Variants in APOOL observed in about 807,000 individuals in gnomAD.
APOOL encodes apolipoprotein O like.
Under a neutral mutation model 23.1 loss-of-function variants are expected in APOOL, and 12 were observed. That is an observed-to-expected ratio of 0.52 (90% CI 0.33 to 0.84). APOOL has a LOEUF of 0.84. APOOL is among the 40% of genes least tolerant of loss of function. APOOL has a pLI of 0.02. For missense variants in APOOL, 212 were observed against 199.6 expected, an observed-to-expected ratio of 1.06 and a Z score of -0.37; for synonymous variants, 77 against 69.9, an observed-to-expected ratio of 1.10 and a Z score of -0.51.
chrX:85,038,809 T>C (rs1394249825), intron 1 of APOOL, among the ~76,000 whole-genome samples: 1 of 110,130 alleles, frequency 9.1e-6, no homozygotes, highest in African/African-American at 3.3e-5. Context: ...TTTTCACTAT[T>C]AGTCTAGCTA....
At chrX:85,037,326 ACTGTT>A (rs1455409687) in intron 1 of APOOL, among the ~76,000 whole-genome samples, 4 of 111,105 alleles carry the variant, frequency 3.6e-5, no homozygotes, top group African/African-American at 9.8e-5. Context: ...TTTCCCCCAT[ACTGTT>A]CTCTTTGTAG....
In APOOL at chrX:85,074,252, GA is replaced by G. The variant is rs954625964; in HGVS notation, c.601-17del. The G allele has an allele frequency of 2.5e-6, 3 of 1,206,405 alleles. No homozygotes were observed. The African/African-American group carries it at 5.3e-5, about 21-fold the overall frequency. On this transcript the variant is annotated intron_variant, in intron 7 of 8. Coordinates refer to ENST00000373173, the MANE Select transcript of APOOL (RefSeq NM_198450.6). Reference sequence around the variant, plus strand: ...ATAGTAAAATGATTTACTTATGAAGGAAAAATCTGTTTGGTAAACAGCTAGG... The same window carrying G: ...ATAGTAAAATGATTTACTTATGAAGGAAAATCTGTTTGGTAAACAGCTAGG...
chrX:85,046,606 C>G lies in APOOL; in HGVS notation c.120+56C>G, dbSNP rs1020016318. On this transcript the variant is annotated intron_variant, in intron 2 of 8. Coordinates refer to ENST00000373173, the MANE Select transcript of APOOL (RefSeq NM_198450.6). ...GTATAATATCAAGATGACACAAAAG[C>G]TATATTTTTTAAAATTATCTTTGCC... is the stretch of plus-strand genomic sequence containing the variant. The G allele has an allele frequency of 4.1e-6, 4 of 965,315 alleles. No homozygotes were observed. The African/African-American group carries it at 7.9e-5, about 19-fold the overall frequency. The allele number at this position is 965,315 out of a possible 1,213,427, so 79.6% of individuals were successfully genotyped here.
At chrX:85,067,342 T>TA in intron 6 of APOOL, 124 bp downstream of exon 6, 1 of 428,568 alleles carries the variant, frequency 2.3e-6, no homozygotes, top group Non-Finnish European at 4.0e-6. Flanking sequence ...TATCAACTCT[T>TA]ATGTTGGCCA....
chrX:85,055,650 T>A (rs1172790001), intron 4 of APOOL, among the ~76,000 whole-genome samples, 177 bp from the exon 5 acceptor site: 6 of 111,855 alleles, frequency 5.4e-5, no homozygotes, highest in African/African-American at 1.9e-4. Context: ...TTGTAACAAG[T>A]AAATATATCT....
Position 85,043,771 on chromosome X carries a change from A to C in APOOL, c.16-2675A>C, listed in dbSNP as rs181460324. ...AATATGTTGGATAGATTTTATTGTTATCACTGTTCTCACTAGAGCCTGATT... is the reference window on the plus strand; with the variant it reads ...AATATGTTGGATAGATTTTATTGTTCTCACTGTTCTCACTAGAGCCTGATT... On this transcript the variant is annotated intron_variant, in intron 1 of 8. Transcript: ENST00000373173. Among the ~76,000 whole-genome samples the C allele has an allele frequency of 8.1e-5, 9 of 111,741 alleles. No individual in the cohort carries two copies. In the East Asian group the frequency reaches 2.5e-3, roughly 32 times the overall value.
intron 1 of APOOL, among the ~76,000 whole-genome samples, chrX:85,016,046 G>T (rs957983557): frequency 1.0e-4 from 11 of 110,314 alleles, no homozygotes; most frequent in African/African-American, 3.6e-4. Context: ...AGTTGGAATG[G>T]CAGGGATCTT....
chrX:85,032,823 G>C (rs1421586657), intron 1 of APOOL, among the ~76,000 whole-genome samples: 1 of 111,908 alleles, frequency 8.9e-6, no homozygotes, highest in Non-Finnish European at 1.9e-5. Flanking sequence ...GGAAACTTAA[G>C]ATTGGTCTTT....
chrX:85,046,260 A>G (rs976812838), intron 1 of APOOL, 186 bp from the exon 2 acceptor site: 17 of 373,382 alleles, frequency 4.6e-5, no homozygotes, highest in Non-Finnish European at 6.5e-5. Context: ...GTGCTCTGCC[A>G]TCCAGTATGA....
chrX:85,011,060 G>A (rs919671594), intron 1 of APOOL, among the ~76,000 whole-genome samples: 2 of 111,303 alleles, frequency 1.8e-5, no homozygotes, highest in Non-Finnish European at 3.8e-5. Flanking sequence ...AGATGGTATC[G>A]TATTGTGGTT....
intron 6 of APOOL, among the ~76,000 whole-genome samples, chrX:85,069,179 T>C (rs965074605): frequency 2.7e-5 from 3 of 110,720 alleles, no homozygotes; most frequent in Non-Finnish European, 5.7e-5. Context: ...AATTCAAATA[T>C]ATGATTTTTT....
chrX:85,026,049 C>G (rs1921832155), intron 1 of APOOL, among the ~76,000 whole-genome samples: 2 of 113,402 alleles, frequency 1.8e-5, no homozygotes, highest in South Asian at 7.1e-4. Flanking sequence ...TGCCTCAGTA[C>G]AGAGGCTTTC....
chrX:85,015,730 G>A (rs775005592), intron 1 of APOOL, among the ~76,000 whole-genome samples: 40 of 109,543 alleles, frequency 3.7e-4, no homozygotes, highest in Middle Eastern at 4.7e-3. Flanking sequence ...CACCACGCAC[G>A]GCTAATTTTG....
At chrX:85,022,310 T>C (rs1286635040) in intron 1 of APOOL, among the ~76,000 whole-genome samples, 5 of 112,284 alleles carry the variant, frequency 4.5e-5, no homozygotes, top group Non-Finnish European at 7.5e-5. Flanking sequence ...TCAGTATTCC[T>C]GATGAACTTA....
chrX:85,067,191 C>A lies in APOOL; in HGVS notation c.459C>A (p.Tyr153Ter). Reference sequence around the variant, plus strand: ...CCACTTTAGGAGCAACTGTTTGCTACCCAGTTCAGTCCGTAATAATTGCTA... The same window carrying A: ...CCACTTTAGGAGCAACTGTTTGCTAACCAGTTCAGTCCGTAATAATTGCTA... ...GLATLGATVC[Y>*]PVQSVIIAKV... The change falls in exon 6 of 9, where the codon TAC becomes TAA. Residue 153 changes from tyrosine (Y) to a stop codon, truncating the protein, a stop_gained. Coordinates refer to ENST00000373173, the MANE Select transcript of APOOL (RefSeq NM_198450.6). LOFTEE classifies it high-confidence loss of function. The A allele has an allele frequency of 7.8e-6, 9 of 1,154,641 alleles. No individual in the cohort carries two copies. Among genetic ancestry groups the A allele is most frequent in the Non-Finnish European group, 8.1e-6 (7 of 863,650 alleles).
intron 3 of APOOL, among the ~76,000 whole-genome samples, chrX:85,053,431 A>G (rs1464873403): frequency 8.9e-6 from 1 of 111,746 alleles, no homozygotes; most frequent in African/African-American, 3.2e-5. Context: ...CAAAATTACA[A>G]AACCAAGCTA....
intron 1 of APOOL, among the ~76,000 whole-genome samples, chrX:85,037,148 A>G (rs767222060): frequency 3.6e-5 from 4 of 111,403 alleles, no homozygotes; most frequent in African/African-American, 9.8e-5. Context: ...TATTTTTGCA[A>G]TTGCAAAAGA....
At chrX:85,056,284 G>T (rs1343739441) in intron 5 of APOOL, among the ~76,000 whole-genome samples, 3 of 110,446 alleles carry the variant, frequency 2.7e-5, no homozygotes, top group Non-Finnish European at 5.7e-5. Flanking sequence ...AGAATATGGG[G>T]GTCATGACTG....
intron 6 of APOOL, 58 bp from the exon 7 acceptor site, chrX:85,073,940 C>G: frequency 1.2e-6 from 1 of 849,597 alleles, no homozygotes; most frequent in Non-Finnish European, 1.6e-6. Context: ...ATCTAAAATA[C>G]ATTTTTAATT....
Sources: gnomAD v4.1 joint callset for allele counts (sites outside exome capture counted in the v4.1 genomes callset) on GRCh38, gnomAD v4.1.1 for gene constraint, MANE v1.5 for transcripts, NCBI Gene and HGNC (gene_info 2026-07-23, HGNC 2026-07-21) for gene names.